The following MBNL2 variants were observed in gnomAD, a reference collection of about 807,000 sequenced individuals.
MBNL2 encodes the protein muscleblind-like protein 2.
Under a neutral mutation model 41.9 loss-of-function variants are expected in MBNL2, and 17 were observed. The observed-to-expected ratio is 0.41, with a 90% CI of 0.28 to 0.61. The LOEUF is 0.61. Among genes scored for constraint, MBNL2 ranks in the 20% least tolerant of loss-of-function variants. MBNL2 has a pLI of 0.35. For missense variants in MBNL2, 336 were observed against 505.6 expected (o/e 0.66, Z 3.22); for synonymous variants, 195 against 182.9 (o/e 1.07, Z -0.53).
rs778722170 is a variant in MBNL2, at chr13:97,285,149, AT to A, written c.174+8741del. ...TATTTATATTTTAGGATTTTAAAAA[AT>A]GACACAATAGGAAGCAAAGATTTAA... On this transcript the variant is annotated intron_variant, in intron 2 of 8. Coordinates refer to ENST00000679496, the MANE Select transcript of MBNL2 (RefSeq NM_001382683.1). Among the ~76,000 whole-genome samples, 15 of 152,340 alleles carry A rather than the reference AT, an allele frequency of 9.8e-5. No individual in the cohort carries two copies. The East Asian group carries it at 2.7e-3, about 27-fold the overall frequency.
chr13:97,165,327 G>A, the MBNL2 span, among the ~76,000 whole-genome samples: 4 of 152,176 alleles, frequency 2.6e-5, no homozygotes, highest in Non-Finnish European at 2.9e-5. Flanking sequence ...GACTGTCACC[G>A]TAATTTAATT....
chr13:97,205,005 T>C, the MBNL2 span, among the ~76,000 whole-genome samples: 79 of 151,784 alleles, frequency 5.2e-4, 3 homozygotes, highest in South Asian at 0.013. Flanking sequence ...AATGCCATCT[T>C]TACTGAAAAT....
At chr13:97,171,829 T>G in the MBNL2 span, among the ~76,000 whole-genome samples, 3 of 152,152 alleles carry the variant, frequency 2.0e-5, no homozygotes, top group African/African-American at 7.2e-5. Context: ...ATGGGGGCAG[T>G]TTCCCCAGTC....
At chr13:97,305,207 A>G (rs1469577471) in intron 2 of MBNL2, among the ~76,000 whole-genome samples, 2 of 152,216 alleles carry the variant, frequency 1.3e-5, no homozygotes, top group Non-Finnish European at 2.9e-5. Context: ...TAGTTGAAAA[A>G]CAATGGCTAA....
chr13:97,329,745 A>G (rs1489349265), intron 2 of MBNL2, among the ~76,000 whole-genome samples: 3 of 660 alleles, frequency 4.5e-3, no homozygotes, highest in Non-Finnish European at 8.5e-3. Flanking sequence ...CACATACACC[A>G]TACATACTAC....
intron 8 of MBNL2, among the ~76,000 whole-genome samples, chr13:97,376,189 A>G (rs2064948893): frequency 6.6e-6 from 1 of 152,150 alleles, no homozygotes; most frequent in South Asian, 2.1e-4. Context: ...AAAAGGGTGA[A>G]TCATTCTGAA....
the MBNL2 span, among the ~76,000 whole-genome samples, chr13:97,164,883 C>A: frequency 6.6e-6 from 1 of 152,100 alleles, no homozygotes; most frequent in African/African-American, 2.4e-5. Flanking sequence ...CTGAATCGAG[C>A]AGTTCTCATT....
At chr13:97,294,757 T>A (rs923184458) in intron 2 of MBNL2, among the ~76,000 whole-genome samples, 1 of 152,220 alleles carries the variant, frequency 6.6e-6, no homozygotes, top group South Asian at 2.1e-4. Flanking sequence ...AAGGTCTTAC[T>A]TAAAGTTTCC....
At chr13:97,361,323 G>A (rs911458205) in intron 7 of MBNL2, among the ~76,000 whole-genome samples, 3 of 152,156 alleles carry the variant, frequency 2.0e-5, no homozygotes, top group African/African-American at 7.2e-5. Context: ...CATCCCAGTT[G>A]GGACATGGGA....
chr13:97,173,207 C>G, the MBNL2 span, among the ~76,000 whole-genome samples: 2 of 152,238 alleles, frequency 1.3e-5, no homozygotes, highest in African/African-American at 4.8e-5. Context: ...CTTGTCATTC[C>G]AATTTTCTTA....
chr13:97,185,938 C>T, the MBNL2 span, among the ~76,000 whole-genome samples: 4 of 152,208 alleles, frequency 2.6e-5, no homozygotes, highest in African/African-American at 9.6e-5. Context: ...ACCTCTCACC[C>T]GGCATTCCAC....
In MBNL2 at chr13:97,258,681, A is replaced by G. The variant is rs144384463; in HGVS notation, c.-604-16951A>G. Among the ~76,000 whole-genome samples, 6 of 152,330 alleles carry G rather than the reference A, an allele frequency of 3.9e-5. No individual in the cohort carries two copies. The East Asian group carries it at 5.8e-4, about 15-fold the overall frequency. The stretch of plus-strand genomic sequence containing the variant: ...TGAACCCTTGGATCCTCCAAGCCAC[A>G]TATCCCATATCAGGTTCTGTGCTAG... On this transcript the variant is annotated intron_variant, in intron 1 of 8. Transcript: ENST00000679496.
Position 97,346,282 on chromosome 13 carries a change from T to C in MBNL2, c.541-522T>C, listed in dbSNP as rs763650402. On this transcript the variant is annotated intron_variant, in intron 4 of 8. Transcript: ENST00000679496. This position sits in a 1 kb window ranked among gnomAD's most constrained non-coding sequence, Gnocchi z 4.2. ...ATGGATGGATGGATGGATAGATGGA[T>C]GGGTGGATGGATAGATAGATGGATA... 6.6e-6 allele frequency among the ~76,000 whole-genome samples: 1 copy of C among 151,724 alleles called. No homozygotes were observed. The highest frequency in any genetic ancestry group is 1.5e-5 in the Non-Finnish European group (1 of 67,958).
the MBNL2 span, among the ~76,000 whole-genome samples, chr13:97,187,541 G>A: frequency 7.9e-6 from 1 of 125,936 alleles, no homozygotes; most frequent in East Asian, 2.6e-4. Context: ...TAATTAGGAA[G>A]CCAAACCTGT....
chr13:97,235,534 G>A (rs558604284), intron 1 of MBNL2, among the ~76,000 whole-genome samples: 2 of 152,168 alleles, frequency 1.3e-5, no homozygotes, highest in Non-Finnish European at 2.9e-5. Flanking sequence ...CCCTTATCCA[G>A]GTACATGTTA....
chr13:97,175,990 AC>A, the MBNL2 span, among the ~76,000 whole-genome samples: 4 of 152,124 alleles, frequency 2.6e-5, no homozygotes, highest in African/African-American at 9.7e-5. Context: ...CACACTGAAT[AC>A]TCAGAAACCC....
chr13:97,142,721 A>G, the MBNL2 span, among the ~76,000 whole-genome samples: 2 of 152,174 alleles, frequency 1.3e-5, no homozygotes, highest in African/African-American at 4.8e-5. Context: ...GTCTCTAACC[A>G]ACAACTTAAA....
chr13:97,381,874 C>A (rs778667267), intron 8 of MBNL2, among the ~76,000 whole-genome samples: 1 of 151,766 alleles, frequency 6.6e-6, no homozygotes, highest in Non-Finnish European at 1.5e-5. Flanking sequence ...ATATTGTCTG[C>A]ATATTACATA....
At chr13:97,186,156 G>T in the MBNL2 span, among the ~76,000 whole-genome samples, 2 of 152,200 alleles carry the variant, frequency 1.3e-5, no homozygotes, top group Non-Finnish European at 2.9e-5. Flanking sequence ...GGGGAGGTGA[G>T]ACGACGGTTT....
Sources: allele counts gnomAD v4.1 joint callset (sites outside exome capture counted in the v4.1 genomes callset), GRCh38; gene constraint gnomAD v4.1.1; non-coding constraint Gnocchi (gnomAD v3.1); transcripts MANE v1.5; gene names NCBI Gene and HGNC (gene_info 2026-07-23, HGNC 2026-07-21).